GRIK4: variants seen among roughly 807,000 people sequenced by gnomAD.
The protein encoded by GRIK4 is glutamate ionotropic receptor kainate type subunit 4.
GRIK4 carries 40 observed loss-of-function variants against 104.9 expected under a neutral mutation model. That is an observed-to-expected ratio of 0.38 (90% CI 0.30 to 0.50). GRIK4 has a LOEUF of 0.50. GRIK4 is among the 20% of genes least tolerant of loss of function. The probability of loss-of-function intolerance (pLI) is 0.93; values close to 1 mark genes in which losing one functional copy is unlikely to be tolerated. For missense variants in GRIK4, 1,047 were observed against 1,308.1 expected (o/e 0.80, Z 3.08); for synonymous variants, 485 against 524.9 (o/e 0.92, Z 1.04).
In GRIK4 at chr11:120,819,516, G is replaced by A. The variant is rs1016794893; in HGVS notation, c.346-239G>A. Among the ~76,000 whole-genome samples, 6 of 152,134 alleles carry A rather than the reference G, an allele frequency of 3.9e-5. No individual in the cohort carries two copies. The highest frequency in any genetic ancestry group is 9.7e-5 in the African/African-American group (4 of 41,428). ...TTGCAGACCCACGGTGCATTCATCC[G>A]GGTCTCTGGACAAATAGTTTTCTGT... On this transcript the variant is annotated intron_variant, in intron 5 of 20. Coordinates refer to ENST00000527524, the MANE Select transcript of GRIK4 (RefSeq NM_014619.5). This position sits in a 1 kb window ranked among gnomAD's most constrained non-coding sequence, Gnocchi z 4.3.
intron 3 of GRIK4, among the ~76,000 whole-genome samples, chr11:120,786,565 G>A (rs1952281106): frequency 6.6e-6 from 1 of 151,946 alleles, no homozygotes; most frequent in South Asian, 2.1e-4. Flanking sequence ...ACTCTTAGTT[G>A]TGACATCTGC....
At chr11:120,738,888 T>C (rs559536033) in intron 3 of GRIK4, among the ~76,000 whole-genome samples, 215 of 152,322 alleles carry the variant, frequency 1.4e-3, no homozygotes, top group African/African-American at 5.0e-3. Flanking sequence ...CACCTGAAGA[T>C]GACGCAGGCC....
chr11:120,646,926 C>G (rs1212740319), intron 1 of GRIK4, among the ~76,000 whole-genome samples: 1 of 152,212 alleles, frequency 6.6e-6, no homozygotes, highest in Non-Finnish European at 1.5e-5. Context: ...TAGTATGTCT[C>G]CTATTTTATG....
chr11:120,841,541 C>T (rs1268692878), intron 8 of GRIK4, among the ~76,000 whole-genome samples: 1 of 152,166 alleles, frequency 6.6e-6, no homozygotes, highest in African/African-American at 2.4e-5. Flanking sequence ...GTCGCCTCCA[C>T]CTTTTGGCTA....
intron 3 of GRIK4, among the ~76,000 whole-genome samples, chr11:120,743,383 G>T (rs1263275900): frequency 6.6e-6 from 1 of 152,094 alleles, no homozygotes; most frequent in Non-Finnish European, 1.5e-5. Flanking sequence ...GAGAAGTTAT[G>T]AACACAAAGA....
chr11:120,833,598 T>G (rs4936558), intron 7 of GRIK4, among the ~76,000 whole-genome samples: 1 of 152,164 alleles, frequency 6.6e-6, no homozygotes, highest in African/African-American at 2.4e-5. Context: ...GGGCCAGCCT[T>G]GTGCCCTCCA....
chr11:120,764,563 T>C (rs1951799804), intron 3 of GRIK4, among the ~76,000 whole-genome samples: 1 of 152,004 alleles, frequency 6.6e-6, no homozygotes. Flanking sequence ...TTTTGGTTTG[T>C]TTTTGCAGTG....
At chr11:120,532,645 G>A (rs969683674) in intron 1 of GRIK4, among the ~76,000 whole-genome samples, 5 of 152,254 alleles carry the variant, frequency 3.3e-5, no homozygotes, top group East Asian at 3.9e-4. Context: ...GTTTCATTTC[G>A]CTGGCTTCAT....
chr11:120,778,121 A>T (rs1952079284), intron 3 of GRIK4, among the ~76,000 whole-genome samples: 1 of 152,204 alleles, frequency 6.6e-6, no homozygotes, highest in Non-Finnish European at 1.5e-5. Context: ...AATGCCTATC[A>T]TGTTATAATG....
At chr11:120,947,301 C>G (rs1218493190) in intron 14 of GRIK4, among the ~76,000 whole-genome samples, 2 of 151,384 alleles carry the variant, frequency 1.3e-5, no homozygotes, top group Non-Finnish European at 2.9e-5. Context: ...ACTCAGGAGG[C>G]TGAGACAGGA....
intron 1 of GRIK4, among the ~76,000 whole-genome samples, chr11:120,542,822 G>A (rs1207021320): frequency 6.6e-6 from 1 of 152,230 alleles, no homozygotes; most frequent in African/African-American, 2.4e-5. Context: ...AGGATGTGGA[G>A]AAAAGAAGAC....
At chr11:120,537,039 A>G (rs1051372861) in intron 1 of GRIK4, among the ~76,000 whole-genome samples, 1 of 152,174 alleles carries the variant, frequency 6.6e-6, no homozygotes, top group African/African-American at 2.4e-5. Context: ...AGACACGTTG[A>G]TAAAGTCCAC....
At chr11:120,951,533 G>A (rs184148783) in intron 14 of GRIK4, among the ~76,000 whole-genome samples, 18 of 152,310 alleles carry the variant, frequency 1.2e-4, no homozygotes, top group Admixed American at 9.2e-4. Flanking sequence ...GAGCTTAAAC[G>A]CTTACCTGTT....
intron 1 of GRIK4, among the ~76,000 whole-genome samples, chr11:120,565,486 A>G (rs563037497): frequency 6.6e-6 from 1 of 152,362 alleles, no homozygotes; most frequent in South Asian, 2.1e-4. Context: ...TAACTGAAAC[A>G]TGACAGCCGT....
intron 3 of GRIK4, among the ~76,000 whole-genome samples, chr11:120,704,507 A>G (rs1394944696): frequency 6.6e-6 from 1 of 152,182 alleles, no homozygotes; most frequent in Non-Finnish European, 1.5e-5. Flanking sequence ...CACGTAATTT[A>G]CAGTCTCATT....
At chr11:120,542,547 G>A (rs1222346864) in intron 1 of GRIK4, among the ~76,000 whole-genome samples, 1 of 152,140 alleles carries the variant, frequency 6.6e-6, no homozygotes, top group Non-Finnish European at 1.5e-5. Flanking sequence ...ATATTTGCAA[G>A]CCATATATTT....
At chr11:120,697,221 T>G (rs1429094199) in intron 3 of GRIK4, among the ~76,000 whole-genome samples, 1 of 152,228 alleles carries the variant, frequency 6.6e-6, no homozygotes, top group African/African-American at 2.4e-5. Flanking sequence ...TGGTTGGCTG[T>G]GCTGATTCAG....
intron 11 of GRIK4, among the ~76,000 whole-genome samples, chr11:120,891,627 C>G (rs1385100630): frequency 6.6e-6 from 1 of 152,166 alleles, no homozygotes; most frequent in East Asian, 1.9e-4. Context: ...ATAAGCTAGG[C>G]ACTGTGCCAG....
rs539993333 is a variant in GRIK4, at chr11:120,730,536, C to T, written c.82+70136C>T. 2.0e-5 allele frequency among the ~76,000 whole-genome samples: 3 copies of T among 151,938 alleles called. No homozygotes were observed. In the South Asian group the frequency reaches 6.3e-4, roughly 32 times the overall value. On this transcript the variant is annotated intron_variant, in intron 3 of 20. Coordinates refer to ENST00000527524, the MANE Select transcript of GRIK4 (RefSeq NM_014619.5). ...GTTTTGTTGTTTTTGCTCAGGATAA[C>T]TTTGGCTATTCTGGGTCTTTTGTGG...
Sources: gnomAD v4.1 joint callset for allele counts (sites outside exome capture counted in the v4.1 genomes callset) on GRCh38, gnomAD v4.1.1 for gene constraint, Gnocchi (gnomAD v3.1) non-coding constraint, MANE v1.5 for transcripts, NCBI Gene and HGNC (gene_info 2026-07-23, HGNC 2026-07-21) for gene names.